Variants in GSAP observed in about 807,000 individuals in gnomAD.
GSAP encodes the protein gamma-secretase activating protein.
GSAP carries 118 observed loss-of-function variants against 131.7 expected under a neutral mutation model. The observed-to-expected ratio is 0.90, with a 90% CI of 0.77 to 1.04. GSAP has a LOEUF of 1.04. GSAP is among the 50% of genes least tolerant of loss of function. The pLI is 0.00. For synonymous variants in GSAP, 381 were observed against 363.4 expected (o/e 1.05, Z -0.55); for missense variants, 1,019 against 1,013.2 (o/e 1.01, Z -0.08).
intron 24 of GSAP, among the ~76,000 whole-genome samples, chr7:77,321,950 G>A (rs1787705450): frequency 6.6e-6 from 1 of 152,166 alleles, no homozygotes; most frequent in African/African-American, 2.4e-5. Context: ...GTAAGAATTG[G>A]TTAGCACACT....
At chr7:77,392,226 A>G (rs1195361526) in intron 5 of GSAP, among the ~76,000 whole-genome samples, 1 of 148,040 alleles carries the variant, frequency 6.8e-6, no homozygotes, top group Non-Finnish European at 1.5e-5. Flanking sequence ...CATCTCAGGA[A>G]AAAAAAAAAA....
At chr7:77,391,489 A>G in intron 5 of GSAP, among the ~76,000 whole-genome samples, 1 of 152,294 alleles carries the variant, frequency 6.6e-6, no homozygotes, top group Middle Eastern at 3.4e-3. Context: ...ACTTCACAGC[A>G]AATCACCAAG....
intron 10 of GSAP, 52 bp downstream of exon 10, chr7:77,376,788 AAAAAAAAG>A (rs200280871): frequency 0.072 from 57,720 of 797,514 alleles, 1,630 homozygotes; most frequent in East Asian, 0.34. Flanking sequence ...AAAAAAAAAA[AAAAAAAAG>A]AGAGTAATGT....
intron 22 of GSAP, chr7:77,327,392 T>G (rs1194302504): frequency 6.6e-6 from 1 of 152,296 alleles, no homozygotes; most frequent in Non-Finnish European, 1.5e-5. Flanking sequence ...CATGCCCGTG[T>G]CTGGCAGGGC....
At chr7:77,318,261 C>T (rs987103702) in intron 26 of GSAP, among the ~76,000 whole-genome samples, 6 of 152,178 alleles carry the variant, frequency 3.9e-5, no homozygotes, top group African/African-American at 1.2e-4. Flanking sequence ...AGTGGAACCA[C>T]ATGAAAGTGC....
At chr7:77,337,094 GGTCAA>G (rs1295356588) in intron 19 of GSAP, among the ~76,000 whole-genome samples, 2 of 152,082 alleles carry the variant, frequency 1.3e-5, no homozygotes, top group Non-Finnish European at 2.9e-5. Flanking sequence ...TGTATTGTGG[GGTCAA>G]GTCTTTTGTG....
chr7:77,380,065 G>GA (rs1332939010), intron 8 of GSAP: 4 of 345,920 alleles, frequency 1.2e-5, no homozygotes, highest in Non-Finnish European at 1.6e-5. Context: ...AAATTATCAA[G>GA]AAAAAGACAA....
intron 5 of GSAP, among the ~76,000 whole-genome samples, chr7:77,395,260 G>T (rs1447369861): frequency 6.6e-6 from 1 of 152,048 alleles, no homozygotes; most frequent in Non-Finnish European, 1.5e-5. Context: ...AGAAGAACTG[G>T]GAGGCACAGG....
chr7:77,386,056 A>AG (rs200854837), intron 6 of GSAP, among the ~76,000 whole-genome samples: 55 of 125,344 alleles, frequency 4.4e-4, no homozygotes, highest in African/African-American at 1.9e-3. Flanking sequence ...CATTGTTTCT[A>AG]GGGAAATACA....
intron 19 of GSAP, among the ~76,000 whole-genome samples, chr7:77,336,149 G>A (rs1013479352): frequency 6.6e-6 from 1 of 152,108 alleles, no homozygotes; most frequent in African/African-American, 2.4e-5. Context: ...GCCCATCTGG[G>A]TAGTTCTATT....
At chr7:77,404,764 A>T in intron 2 of GSAP, 149 bp from the exon 3 acceptor site, 1 of 622,052 alleles carries the variant, frequency 1.6e-6, no homozygotes, top group Admixed American at 3.0e-5. Flanking sequence ...GACTGAATCC[A>T]GTTCAGCTAG....
chr7:77,330,452 C>T, intron 19 of GSAP, 85 bp from the exon 20 acceptor site: 7 of 1,511,350 alleles, frequency 4.6e-6, no homozygotes, highest in African/African-American at 1.4e-5. Flanking sequence ...AGCCTTATTT[C>T]CCGAGCTCTC....
At chr7:77,381,237 A>T in intron 8 of GSAP, 68 bp downstream of exon 8, 1 of 724,442 alleles carries the variant, frequency 1.4e-6, no homozygotes, top group Non-Finnish European at 2.3e-6. Context: ...TATCTTTAGC[A>T]GTCTAGTAAT....
intron 8 of GSAP, among the ~76,000 whole-genome samples, chr7:77,378,021 C>T (rs1356868891): frequency 6.6e-6 from 1 of 152,238 alleles, no homozygotes; most frequent in African/African-American, 2.4e-5. Flanking sequence ...GTAGTATAAT[C>T]CTCACCTGTT....
intron 20 of GSAP, chr7:77,329,839 T>C (rs570135069): frequency 4.3e-5 from 7 of 162,016 alleles, no homozygotes; most frequent in Non-Finnish European, 6.7e-5. Flanking sequence ...CCCCAAAGAT[T>C]TCCCTGGGTC....
rs1799246400 is a variant in GSAP at position 77,390,175 on chromosome 7, T to C, written c.368-2727A>G. Reference sequence around the variant, plus strand: ...ATTTGTTTGAGTTCATTGTAGATTCTGGATATTAGCCCTTTGTCAGATGAG... The same window carrying C: ...ATTTGTTTGAGTTCATTGTAGATTCCGGATATTAGCCCTTTGTCAGATGAG... On this transcript the variant is annotated intron_variant, in intron 5 of 30. Coordinates refer to ENST00000257626, the MANE Select transcript of GSAP (RefSeq NM_017439.4). Among the ~76,000 whole-genome samples the C allele has an allele frequency of 2.6e-5, 4 of 152,344 alleles. No homozygotes were observed. In the South Asian group the frequency reaches 8.3e-4, roughly 32 times the overall value.
chr7:77,378,005 C>T (rs1311657490), intron 8 of GSAP, among the ~76,000 whole-genome samples: 2 of 152,224 alleles, frequency 1.3e-5, no homozygotes, highest in Non-Finnish European at 2.9e-5. Context: ...CTCACATCCC[C>T]AAGATGTAGT....
chr7:77,321,469 C>T (rs112807909), intron 24 of GSAP, 66 bp from the exon 25 acceptor site: 2 of 975,580 alleles, frequency 2.1e-6, no homozygotes, highest in African/African-American at 3.2e-5. Flanking sequence ...CACAGCTAGG[C>T]CTCCACAACT....
chr7:77,401,239 T>G (rs757221892), intron 3 of GSAP, among the ~76,000 whole-genome samples: 5 of 151,916 alleles, frequency 3.3e-5, no homozygotes, highest in Non-Finnish European at 7.4e-5. Context: ...ACAGATTCAA[T>G]AAGCGGAGTA....
Sources: allele counts gnomAD v4.1 joint callset (sites outside exome capture counted in the v4.1 genomes callset), GRCh38; gene constraint gnomAD v4.1.1; transcripts MANE v1.5; gene names NCBI Gene and HGNC (gene_info 2026-07-23, HGNC 2026-07-21).